The following ANKRD30B variants were observed in gnomAD, a reference collection of about 807,000 sequenced individuals.
The protein encoded by ANKRD30B is ankyrin repeat domain-containing protein 30B.
ANKRD30B carries 144 observed loss-of-function variants against 202.2 expected under a neutral mutation model. The ratio of observed to expected loss-of-function variants is 0.71; its 90% confidence interval spans 0.62 to 0.82. The LOEUF (loss-of-function observed/expected upper bound fraction) is 0.82, where lower values mean the gene tolerates loss of function less well. Ranked by LOEUF, ANKRD30B falls within the 40% of genes least tolerant of loss-of-function variation. ANKRD30B has a pLI of 0.00. For missense variants in ANKRD30B, 1,487 were observed against 1,669.1 expected (o/e 0.89, Z 1.90); for synonymous variants, 508 against 561.3 (o/e 0.91, Z 1.34).
intron 9 of ANKRD30B, among the ~76,000 whole-genome samples, chr18:14,776,933 C>T (rs1375662088): frequency 6.6e-6 from 1 of 152,100 alleles, no homozygotes; most frequent in Non-Finnish European, 1.5e-5. Context: ...ACTCCTACTC[C>T]GCATGACATA....
At chr18:14,896,575 C>A in the ANKRD30B span, among the ~76,000 whole-genome samples, 1 of 147,956 alleles carries the variant, frequency 6.8e-6, no homozygotes. Flanking sequence ...TTATTTATGT[C>A]CCAAATATAT....
chr18:14,867,616 C>T, the ANKRD30B span, among the ~76,000 whole-genome samples: 132 of 144,298 alleles, frequency 9.1e-4, no homozygotes, highest in Non-Finnish European at 1.4e-3. Context: ...GTGGGCACCA[C>T]GGGGGCTCAG....
chr18:14,811,307 C>T (rs9676240), intron 28 of ANKRD30B, among the ~76,000 whole-genome samples: 2 of 145,792 alleles, frequency 1.4e-5, no homozygotes, highest in Non-Finnish European at 3.0e-5. Flanking sequence ...CACCTCCCGG[C>T]TTCACGCCAT....
At position 14,854,594 on chromosome 18, in the gene ANKRD30B, C is replaced by T. The variant is rs1436379367; in HGVS notation, c.*436C>T. Among the ~76,000 whole-genome samples the T allele has an allele frequency of 6.6e-6, 1 of 152,142 alleles. No homozygotes were observed. The highest frequency in any genetic ancestry group is 6.5e-5 in the Admixed American group (1 of 15,278). ...ACATAGTTTTCAGTAAAATACTGGA[C>T]AATAGAGTTTATAGTCTCCCATTTA... On this transcript the variant is annotated 3_prime_UTR_variant, in exon 44 of 44. Coordinates refer to ENST00000690538, the MANE Select transcript of ANKRD30B (RefSeq NM_001367607.2).
intron 14 of ANKRD30B, 86 bp from the exon 15 acceptor site, chr18:14,786,953 G>A (rs914371297): frequency 2.2e-5 from 29 of 1,326,326 alleles, no homozygotes; most frequent in East Asian, 1.0e-4. Flanking sequence ...CTACAGATTC[G>A]TGAATGAAAG....
the ANKRD30B span, among the ~76,000 whole-genome samples, chr18:14,897,105 G>A: frequency 2.0e-5 from 3 of 152,104 alleles, no homozygotes; most frequent in Non-Finnish European, 4.4e-5. Context: ...ATGGAAACAT[G>A]CTAATCGAGA....
chr18:14,841,187 G>A (rs1206665870), intron 37 of ANKRD30B, among the ~76,000 whole-genome samples: 1 of 152,150 alleles, frequency 6.6e-6, no homozygotes, highest in African/African-American at 2.4e-5. Flanking sequence ...TGTTTTATCT[G>A]CAGTATGTGA....
At chr18:14,797,145 G>C (rs1968958253) in intron 18 of ANKRD30B, among the ~76,000 whole-genome samples, 1 of 152,014 alleles carries the variant, frequency 6.6e-6, no homozygotes, top group Non-Finnish European at 1.5e-5. Context: ...ACCCTAAAGA[G>C]GCCTAGAAGA....
chr18:14,779,522 T>A (rs1208261692), intron 10 of ANKRD30B, among the ~76,000 whole-genome samples: 48 of 152,202 alleles, frequency 3.2e-4, no homozygotes, highest in Non-Finnish European at 4.4e-5. Flanking sequence ...TCTTGAAGAA[T>A]CTTACTTATT....
chr18:14,752,507 C>T (rs540049844), intron 1 of ANKRD30B, 59 bp from the exon 2 acceptor site: 37 of 1,255,866 alleles, frequency 2.9e-5, no homozygotes, highest in Admixed American at 4.5e-5. Flanking sequence ...TTACCTAAAT[C>T]GTTGTATGTT....
the ANKRD30B span, among the ~76,000 whole-genome samples, chr18:14,881,838 G>T: frequency 4.6e-5 from 7 of 151,920 alleles, no homozygotes; most frequent in Non-Finnish European, 8.8e-5. Flanking sequence ...TAGGAGGGTT[G>T]TATTTTTCCA....
chr18:14,892,173 CT>C, the ANKRD30B span, among the ~76,000 whole-genome samples: 1 of 152,114 alleles, frequency 6.6e-6, no homozygotes, highest in Non-Finnish European at 1.5e-5. Context: ...AATATATTTT[CT>C]TTTAGATAAA....
chr18:14,779,788 T>A (rs9675853), intron 10 of ANKRD30B, among the ~76,000 whole-genome samples, 172 bp from the exon 11 acceptor site: 26,727 of 100,794 alleles, frequency 0.27, 2,545 homozygotes, highest in East Asian at 0.35. Context: ...TTTAGATTTT[T>A]AAGATTGTAG....
At chr18:14,828,143 GAT>G (rs1350078718) in intron 32 of ANKRD30B, 133 bp from the exon 33 acceptor site, 1 of 676,504 alleles carries the variant, frequency 1.5e-6, no homozygotes, top group African/African-American at 1.8e-5. Context: ...GGACCTCTCA[GAT>G]GATCCTCCTG....
intron 40 of ANKRD30B, 114 bp downstream of exon 40, chr18:14,849,043 T>A: frequency 2.4e-6 from 3 of 1,257,576 alleles, no homozygotes; most frequent in Non-Finnish European, 1.0e-6. Context: ...AAAAAATCTG[T>A]CTTGTAGAGT....
intron 4 of ANKRD30B, among the ~76,000 whole-genome samples, chr18:14,757,446 G>A (rs1914547681): frequency 6.6e-6 from 1 of 152,072 alleles, no homozygotes; most frequent in Non-Finnish European, 1.5e-5. Context: ...TCCTAATATT[G>A]TTTTAAGCCT....
chr18:14,817,920 TG>T (rs1356605102), intron 30 of ANKRD30B, among the ~76,000 whole-genome samples: 3 of 152,158 alleles, frequency 2.0e-5, no homozygotes, highest in African/African-American at 7.2e-5. Flanking sequence ...AGCCTTAAAA[TG>T]CTTGGACATA....
the ANKRD30B span, among the ~76,000 whole-genome samples, chr18:14,883,365 GTCTGTCTCTC>G: frequency 0.024 from 2,505 of 105,332 alleles, 50 homozygotes; most frequent in East Asian, 0.031. Flanking sequence ...CTCTCTGTCT[GTCTGTCTCTC>G]TCTCTCTCTC....
At chr18:14,790,149 G>T (rs1968369916) in intron 15 of ANKRD30B, among the ~76,000 whole-genome samples, 1 of 152,124 alleles carries the variant, frequency 6.6e-6, no homozygotes, top group South Asian at 2.1e-4. Context: ...TCTCTTTGAA[G>T]CAATTGTGAA....
Sources: gnomAD v4.1 joint callset for allele counts (sites outside exome capture counted in the v4.1 genomes callset) on GRCh38, gnomAD v4.1.1 for gene constraint, MANE v1.5 for transcripts, NCBI Gene and HGNC (gene_info 2026-07-23, HGNC 2026-07-21) for gene names.